Variants in REG4 observed in about 807,000 individuals in gnomAD.
The protein encoded by REG4 is regenerating islet-derived protein 4.
In REG4, 16 loss-of-function variants were observed where a neutral mutation model predicts 22.3. The ratio of observed to expected loss-of-function variants is 0.72; its 90% confidence interval spans 0.49 to 1.09. REG4 has a LOEUF of 1.09. REG4 is among the 50% of genes least tolerant of loss of function. The probability of loss-of-function intolerance (pLI) is 0.00; values close to 1 mark genes in which losing one functional copy is unlikely to be tolerated. For synonymous variants in REG4, 71 were observed against 69.2 expected (o/e 1.03, Z -0.13); for missense variants, 214 against 193.9 (o/e 1.10, Z -0.61).
intron 5 of REG4, 97 bp downstream of exon 5, chr1:119,798,400 G>T: frequency 1.1e-6 from 1 of 882,920 alleles, no homozygotes. Context: ...GTGGAATGAG[G>T]AGGGCAGTGG....
rs950148896 is a variant in REG4 at position 119,794,497 on chromosome 1, G to C, written c.*121C>G. On this transcript the variant is annotated 3_prime_UTR_variant, in exon 6 of 6. Coordinates refer to ENST00000256585, the MANE Select transcript of REG4 (RefSeq NM_032044.4). Reference sequence around the variant, plus strand: ...TAAGCCTAAAAAAGCCAGTGTAGTAGGGCCCTTATCACTCTTAGTTTGCTA... The same window carrying C: ...TAAGCCTAAAAAAGCCAGTGTAGTACGGCCCTTATCACTCTTAGTTTGCTA... 1.1e-6 allele frequency: 1 copy of C among 894,146 alleles called. No homozygotes were observed. The highest frequency in any genetic ancestry group is 1.7e-5 in the African/African-American group (1 of 60,324). The allele number at this position is 894,146 out of a possible 1,614,324, so 55.4% of individuals were successfully genotyped here.
intron 4 of REG4, among the ~76,000 whole-genome samples, chr1:119,799,400 C>T (rs1223805189): frequency 8.6e-6 from 1 of 115,990 alleles, no homozygotes; most frequent in Admixed American, 1.0e-4. Flanking sequence ...CATAATAGGC[C>T]TGTGTGCGTA....
intron 5 of REG4, among the ~76,000 whole-genome samples, chr1:119,797,172 T>C (rs1412451813): frequency 7.3e-6 from 1 of 136,272 alleles, no homozygotes; most frequent in Non-Finnish European, 1.6e-5. Context: ...GGTAGCTCAT[T>C]ATGTGTTTGA....
chr1:119,794,780 A>G (rs947271), intron 5 of REG4, 95 bp from the exon 6 acceptor site: 444,367 of 1,015,768 alleles, frequency 0.44, 103,546 homozygotes, highest in East Asian at 0.79. Flanking sequence ...TAGATAAGGC[A>G]ATATGATGGT....
chr1:119,798,038 G>C (rs1428498443), intron 5 of REG4, among the ~76,000 whole-genome samples: 4 of 152,214 alleles, frequency 2.6e-5, no homozygotes. Context: ...AGGATTCAGG[G>C]AAACAGACAG....
At chr1:119,802,220 G>T in intron 3 of REG4, 1 of 555,086 alleles carries the variant, frequency 1.8e-6, no homozygotes, top group Non-Finnish European at 2.3e-6. Flanking sequence ...GTTACTCTCA[G>T]TGTAAACTTG....
At chr1:119,808,407 G>A (rs1321535967) in intron 2 of REG4, among the ~76,000 whole-genome samples, 1 of 152,170 alleles carries the variant, frequency 6.6e-6, no homozygotes, top group Non-Finnish European at 1.5e-5. Context: ...CAATCTGCTA[G>A]GCAACAGGTG....
At chr1:119,802,434 G>A (rs1009179926) in intron 3 of REG4, 18 of 994,554 alleles carry the variant, frequency 1.8e-5, no homozygotes, top group East Asian at 1.1e-4. Flanking sequence ...TTGTAAGACC[G>A]CATAGGCCCA....
At chr1:119,802,739 G>A (rs1654151546) in intron 3 of REG4, 8 of 1,448,638 alleles carry the variant, frequency 5.5e-6, no homozygotes, top group Non-Finnish European at 6.4e-6. Context: ...TATCCTTTCT[G>A]TGAATTCCTC....
rs1199172733 is a variant in REG4, at chr1:119,794,654, G to C, written c.441C>G (p.Asn147Lys). 7 of 1,614,038 alleles carry C rather than the reference G, an allele frequency of 4.3e-6. No individual in the cohort carries two copies. Among genetic ancestry groups the C allele is most frequent in the Non-Finnish European group, 5.9e-6 (7 of 1,180,000 alleles). Residue 147 changes from asparagine to lysine, a missense_variant, in exon 6 of 6, where the codon AAC becomes AAG. Physicochemically the swap from Asn to Lys is moderately conservative, Grantham distance 94. Transcript: ENST00000256585. ...ACTTGCACAGGAAGTGTTGGCGCTT[G>C]TTGCATTCGTTGCTGCTCCAAGTTA... ...NFLTWSSNECNKRQHFLCKYR... is the reference protein window; with the variant it reads ...NFLTWSSNECKKRQHFLCKYR...
At chr1:119,807,795 C>A (rs978420909) in intron 2 of REG4, among the ~76,000 whole-genome samples, 1 of 152,190 alleles carries the variant, frequency 6.6e-6, no homozygotes, top group African/African-American at 2.4e-5. Context: ...CAAAATGATG[C>A]CCAAAGAACC....
chr1:119,802,313 G>A (rs1660606), intron 3 of REG4: 16 of 983,662 alleles, frequency 1.6e-5, no homozygotes, highest in South Asian at 4.7e-5. Context: ...TTTCTAAGGC[G>A]GGAGAATACC....
chr1:119,794,378 G>A lies in REG4; in HGVS notation c.*240C>T, dbSNP rs1354450644. On this transcript the variant is annotated 3_prime_UTR_variant, in exon 6 of 6. Coordinates refer to ENST00000256585, the MANE Select transcript of REG4 (RefSeq NM_032044.4). ...GACTGCTCGAGACAGCCAGAGACAG[G>A]GGAGGAGGGAAGAAGGATACTGTGG... is the stretch of plus-strand genomic sequence containing the variant. 2 of 610,830 alleles carry A rather than the reference G, an allele frequency of 3.3e-6. No individual in the cohort carries two copies. The highest frequency in any genetic ancestry group is 6.0e-6 in the Non-Finnish European group (2 of 332,736). 37.8% of individuals were successfully genotyped at this position (610,830 alleles called of 1,614,324 possible).
intron 4 of REG4, among the ~76,000 whole-genome samples, chr1:119,798,865 C>T (rs1041150707): frequency 3.3e-5 from 5 of 151,876 alleles, no homozygotes; most frequent in African/African-American, 1.2e-4. Flanking sequence ...AATGTGAATA[C>T]ATAAAAATGT....
chr1:119,806,139 G>A (rs745878905), intron 2 of REG4, among the ~76,000 whole-genome samples: 8 of 151,910 alleles, frequency 5.3e-5, no homozygotes, highest in South Asian at 2.1e-4. Context: ...ACAGAGTTTC[G>A]CCACATTGCC....
chr1:119,808,203 G>A (rs1197319251), intron 2 of REG4, among the ~76,000 whole-genome samples: 1 of 152,056 alleles, frequency 6.6e-6, no homozygotes, highest in African/African-American at 2.4e-5. Flanking sequence ...TTTCTCTATT[G>A]GTGGATTCTA....
chr1:119,804,180 C>A (rs988755128), intron 2 of REG4, among the ~76,000 whole-genome samples: 1 of 152,144 alleles, frequency 6.6e-6, no homozygotes, highest in Non-Finnish European at 1.5e-5. Flanking sequence ...TGTTTCCTTC[C>A]ATAAGGGAGG....
In REG4 at chr1:119,803,018, T is replaced by TCA. The variant is rs757542908; in HGVS notation, c.165+49_165+50insTG. ...ATCAAATGAGATCTGGGGCTCTGGC[T>TCA]GGTCCTTTGCTCTAGAAAGGCCAGG... On this transcript the variant is annotated intron_variant, in intron 3 of 5. Transcript: ENST00000256585. 3.7e-6 allele frequency: 6 copies of TCA among 1,611,168 alleles called. No individual in the cohort carries two copies. In the East Asian group the frequency reaches 1.3e-4, roughly 36 times the overall value.
Position 119,794,253 on chromosome 1 carries a change from T to A in REG4, c.*365A>T, listed in dbSNP as rs699778. On this transcript the variant is annotated 3_prime_UTR_variant, in exon 6 of 6. Coordinates refer to ENST00000256585, the MANE Select transcript of REG4 (RefSeq NM_032044.4). ...CAGAAGGGTGTAGAAGCTGAAGGGGTCTAGAAGCTTACTCCTGAGTTTCTT... is the reference window on the plus strand; with the variant it reads ...CAGAAGGGTGTAGAAGCTGAAGGGGACTAGAAGCTTACTCCTGAGTTTCTT... 1.8e-6 allele frequency: 1 copy of A among 546,724 alleles called. No individual in the cohort carries two copies. The highest frequency in any genetic ancestry group is 3.7e-6 in the Non-Finnish European group (1 of 269,914). The allele number at this position is 546,724 out of a possible 1,614,324, so 33.9% of individuals were successfully genotyped here.
Sources: allele counts gnomAD v4.1 joint callset (sites outside exome capture counted in the v4.1 genomes callset), GRCh38; gene constraint gnomAD v4.1.1; transcripts MANE v1.5; gene names NCBI Gene and HGNC (gene_info 2026-07-23, HGNC 2026-07-21).